The following ST7 variants were observed in gnomAD, a reference collection of about 807,000 sequenced individuals.
ST7 encodes suppression of tumorigenicity 7.
Under a neutral mutation model 78.7 loss-of-function variants are expected in ST7, and 28 were observed. The observed-to-expected ratio is 0.36, with a 90% CI of 0.26 to 0.49. The LOEUF is 0.49. Ranked by LOEUF, ST7 falls within the 20% of genes least tolerant of loss-of-function variation. The pLI, the probability that ST7 is intolerant of heterozygous loss-of-function variation, is 0.99. For synonymous variants in ST7, 247 were observed against 249.6 expected (o/e 0.99, Z 0.10); for missense variants, 418 against 696.0 (o/e 0.60, Z 4.49).
chr7:116,981,875 G>C (rs1254231937), intron 1 of ST7, among the ~76,000 whole-genome samples: 1 of 152,134 alleles, frequency 6.6e-6, no homozygotes, highest in Non-Finnish European at 1.5e-5. Context: ...TATTTAATTG[G>C]AAGCTGCAGT....
intron 9 of ST7, among the ~76,000 whole-genome samples, chr7:117,143,984 G>C (rs898349983): frequency 6.6e-6 from 1 of 152,118 alleles, no homozygotes; most frequent in Non-Finnish European, 1.5e-5. Context: ...CCAAACCTTC[G>C]TGTGCGTTTA....
At chr7:116,999,030 T>A (rs1794805154) in intron 1 of ST7, among the ~76,000 whole-genome samples, 1 of 152,198 alleles carries the variant, frequency 6.6e-6, no homozygotes, top group Non-Finnish European at 1.5e-5. Context: ...TATCAATTAA[T>A]TTTTCAGTTG....
chr7:117,074,306 G>A (rs1177002416), intron 1 of ST7, among the ~76,000 whole-genome samples: 10 of 152,250 alleles, frequency 6.6e-5, no homozygotes, highest in South Asian at 2.1e-4. Flanking sequence ...CAGGAGAATC[G>A]CTTGAACCCA....
At chr7:117,159,889 C>T (rs769438711) in intron 9 of ST7, among the ~76,000 whole-genome samples, 74 of 147,528 alleles carry the variant, frequency 5.0e-4, no homozygotes, top group Non-Finnish European at 5.7e-4. Context: ...CAAGAAACTC[C>T]GTCTCAAAAA....
chr7:116,967,944 C>T (rs889770513), intron 1 of ST7, among the ~76,000 whole-genome samples: 1 of 152,108 alleles, frequency 6.6e-6, no homozygotes, highest in South Asian at 2.1e-4. Context: ...TTTCTGTTTC[C>T]ATTCAGTTTT....
chr7:117,147,902 T>C (rs1359416735), intron 9 of ST7, among the ~76,000 whole-genome samples: 1 of 152,100 alleles, frequency 6.6e-6, no homozygotes, highest in African/African-American at 2.4e-5. Context: ...GCATACATCA[T>C]ATGATATTGA....
At chr7:116,965,142 ATCC>A in intron 1 of ST7, among the ~76,000 whole-genome samples, 1 of 152,158 alleles carries the variant, frequency 6.6e-6, no homozygotes, top group Non-Finnish European at 1.5e-5. Flanking sequence ...GATTGAGACC[ATCC>A]TGGCTAACAC....
chr7:116,957,889 TTTTC>T (rs1347258913), intron 1 of ST7, among the ~76,000 whole-genome samples: 49 of 152,396 alleles, frequency 3.2e-4, no homozygotes, highest in Admixed American at 1.2e-3. Flanking sequence ...TTCCAATTCT[TTTTC>T]TATTTGCTGA....
intron 2 of ST7, among the ~76,000 whole-genome samples, chr7:117,111,562 T>A (rs1429510862): frequency 6.6e-6 from 1 of 152,212 alleles, no homozygotes; most frequent in Non-Finnish European, 1.5e-5. Flanking sequence ...TACTTCTTAG[T>A]TCACAAGGTG....
chr7:116,972,857 G>T, intron 1 of ST7: 1 of 1,228,638 alleles, frequency 8.1e-7, no homozygotes, highest in Non-Finnish European at 1.2e-6. Context: ...TCTGCCTGCT[G>T]CTGCAGAACC....
In ST7 at chr7:117,212,886, A is replaced by C. The variant is rs149458209; in HGVS notation, c.1405+2949A>C. Among the ~76,000 whole-genome samples, 69 of 152,320 alleles carry C rather than the reference A, an allele frequency of 4.5e-4. 2 individuals are homozygous for C. The East Asian group carries it at 0.013, about 28-fold the overall frequency. ...AGAATTACCCCTCCAAACCCAGACA[A>C]TCTTATCCAGTCTTTTGACATCGCT... On this transcript the variant is annotated intron_variant, in intron 13 of 15. Coordinates refer to ENST00000323984, the MANE Select transcript of ST7 (RefSeq NM_001369598.1).
At chr7:116,996,835 G>T (rs1020124556) in intron 1 of ST7, among the ~76,000 whole-genome samples, 14 of 152,238 alleles carry the variant, frequency 9.2e-5, no homozygotes, top group African/African-American at 3.4e-4. Flanking sequence ...TTTCAAATTT[G>T]TGTCCATAAA....
At chr7:117,213,386 T>C (rs1191728594) in intron 13 of ST7, among the ~76,000 whole-genome samples, 5 of 152,218 alleles carry the variant, frequency 3.3e-5, no homozygotes, top group African/African-American at 1.2e-4. Context: ...TGATTATTAG[T>C]AAATTTATTT....
intron 2 of ST7, among the ~76,000 whole-genome samples, chr7:117,105,998 GT>G (rs79793311): frequency 0.14 from 21,102 of 146,810 alleles, 3,052 homozygotes; most frequent in African/African-American, 0.37. Flanking sequence ...TTTTGTTTTT[GT>G]TTTTTTTTTT....
chr7:117,079,129 ATT>A (rs1013456972), intron 1 of ST7, among the ~76,000 whole-genome samples: 31 of 152,196 alleles, frequency 2.0e-4, no homozygotes, highest in Non-Finnish European at 3.7e-4. Flanking sequence ...CATGGATAGC[ATT>A]TGTTTTTTAC....
intron 1 of ST7, among the ~76,000 whole-genome samples, chr7:117,025,004 G>C (rs1796117273): frequency 6.6e-6 from 1 of 152,124 alleles, no homozygotes; most frequent in African/African-American, 2.4e-5. Flanking sequence ...CCAAGAACTA[G>C]ATAATTTTCT....
chr7:116,986,135 A>T (rs749834764), intron 1 of ST7, among the ~76,000 whole-genome samples: 21 of 152,240 alleles, frequency 1.4e-4, no homozygotes, highest in Non-Finnish European at 2.5e-4. Flanking sequence ...GCCCAGCGTG[A>T]TAATTTTAAT....
At chr7:117,016,993 C>A (rs1201195343) in intron 1 of ST7, among the ~76,000 whole-genome samples, 1 of 152,098 alleles carries the variant, frequency 6.6e-6, no homozygotes, top group Non-Finnish European at 1.5e-5. Context: ...GATTCAAGAA[C>A]AGATTTATTA....
chr7:117,004,842 A>C (rs1795094062), intron 1 of ST7, among the ~76,000 whole-genome samples: 1 of 152,224 alleles, frequency 6.6e-6, no homozygotes, highest in Admixed American at 6.5e-5. Flanking sequence ...CTTCCATGGA[A>C]TATTTTGGAT....
Sources: gnomAD v4.1 joint callset for allele counts (sites outside exome capture counted in the v4.1 genomes callset) on GRCh38, gnomAD v4.1.1 for gene constraint, MANE v1.5 for transcripts, NCBI Gene and HGNC (gene_info 2026-07-23, HGNC 2026-07-21) for gene names.